The following UVRAG variants were observed in gnomAD, a reference collection of about 807,000 sequenced individuals.
UVRAG encodes UV radiation resistance associated.
In UVRAG, 19 loss-of-function variants were observed where a neutral mutation model predicts 78.0. That is an observed-to-expected ratio of 0.24 (90% confidence interval 0.17 to 0.36). The LOEUF (loss-of-function observed/expected upper bound fraction) is 0.36. Ranked by LOEUF, UVRAG falls within the 10% of genes least tolerant of loss-of-function variation. The probability of loss-of-function intolerance (pLI) is 1.00; values close to 1 mark genes in which losing one functional copy is unlikely to be tolerated. For synonymous variants in UVRAG, 323 were observed against 324.6 expected (o/e 1.00, Z 0.05); for missense variants, 740 against 853.8 (o/e 0.87, Z 1.66).
Position 75,965,821 on chromosome 11 carries a change from A to G in UVRAG, c.699+4272A>G, listed in dbSNP as rs186755226. Among the ~76,000 whole-genome samples, 45 of 152,246 alleles carry G rather than the reference A, an allele frequency of 3.0e-4. No individual in the cohort carries two copies. In the South Asian group the frequency reaches 3.9e-3, roughly 13 times the overall value. ...AACTTATTCATTATGCTAGTTATTTATAGTTTTTTGGGATTTTCTTTGTAA... is the reference window on the plus strand; with the variant it reads ...AACTTATTCATTATGCTAGTTATTTGTAGTTTTTTGGGATTTTCTTTGTAA... On this transcript the variant is annotated intron_variant, in intron 7 of 14. Coordinates refer to ENST00000356136, the MANE Select transcript of UVRAG (RefSeq NM_003369.4).
intron 11 of UVRAG, among the ~76,000 whole-genome samples, chr11:76,014,740 C>G (rs1267567139): frequency 6.6e-6 from 1 of 152,192 alleles, no homozygotes; most frequent in East Asian, 1.9e-4. Flanking sequence ...TCATTTCTCT[C>G]TTCTCCAAGT....
At chr11:76,139,990 T>TAA (rs201740692) in intron 14 of UVRAG, among the ~76,000 whole-genome samples, 1 of 141,924 alleles carries the variant, frequency 7.0e-6, no homozygotes, top group African/African-American at 2.6e-5. Flanking sequence ...GTTTTTCATT[T>TAA]TAAAAAAAAA....
At chr11:75,858,168 A>G (rs1946336371) in intron 2 of UVRAG, among the ~76,000 whole-genome samples, 1 of 151,968 alleles carries the variant, frequency 6.6e-6, no homozygotes. Flanking sequence ...ATATGTGTAT[A>G]TATATATAAA....
At chr11:75,916,970 G>A (rs1947870338) in intron 6 of UVRAG, among the ~76,000 whole-genome samples, 1 of 152,176 alleles carries the variant, frequency 6.6e-6, no homozygotes, top group Admixed American at 6.5e-5. Flanking sequence ...TGATAGTGAT[G>A]TTATCTATAG....
intron 7 of UVRAG, among the ~76,000 whole-genome samples, chr11:75,977,656 G>A (rs552006941): frequency 2.8e-4 from 42 of 152,178 alleles, no homozygotes; most frequent in African/African-American, 9.4e-4. Flanking sequence ...GATCTTTGTT[G>A]GTTTAAAGTC....
intron 13 of UVRAG, among the ~76,000 whole-genome samples, chr11:76,106,800 G>A (rs1951980195): frequency 1.3e-5 from 2 of 152,182 alleles, no homozygotes; most frequent in South Asian, 4.2e-4. Context: ...TCAACATGAG[G>A]GCAAGGAGCA....
intron 12 of UVRAG, among the ~76,000 whole-genome samples, chr11:76,024,419 C>G (rs1191010079): frequency 6.6e-6 from 1 of 152,072 alleles, no homozygotes; most frequent in Non-Finnish European, 1.5e-5. Flanking sequence ...ACAGGAATTG[C>G]ATTTTGGTGA....
intron 1 of UVRAG, among the ~76,000 whole-genome samples, chr11:75,842,502 C>G (rs1179698330): frequency 6.9e-6 from 1 of 145,724 alleles, no homozygotes; most frequent in Non-Finnish European, 1.5e-5. Flanking sequence ...AGTGCAATGG[C>G]GTGATCACGG....
intron 6 of UVRAG, among the ~76,000 whole-genome samples, chr11:75,936,723 T>C (rs952133262): frequency 1.3e-5 from 2 of 152,180 alleles, no homozygotes; most frequent in African/African-American, 4.8e-5. Flanking sequence ...GGAGTTTTGT[T>C]TTGTTTTAGT....
At chr11:76,130,372 C>G (rs1952492814) in intron 14 of UVRAG, among the ~76,000 whole-genome samples, 2 of 152,168 alleles carry the variant, frequency 1.3e-5, no homozygotes, top group South Asian at 4.1e-4. Flanking sequence ...TGAACCATGG[C>G]TTTTTTCCAA....
intron 13 of UVRAG, among the ~76,000 whole-genome samples, chr11:76,085,544 A>G (rs1272832033): frequency 6.6e-6 from 1 of 152,248 alleles, no homozygotes; most frequent in African/African-American, 2.4e-5. Context: ...TTCTGGATGA[A>G]GGAAGCAGGG....
At chr11:76,117,624 A>G (rs1436098418) in intron 14 of UVRAG, among the ~76,000 whole-genome samples, 2 of 152,248 alleles carry the variant, frequency 1.3e-5, no homozygotes, top group African/African-American at 2.4e-5. Flanking sequence ...GCTTGCAAAG[A>G]TGTCACTCAA....
chr11:76,101,671 T>A (rs1685293619), intron 13 of UVRAG, among the ~76,000 whole-genome samples: 1 of 152,202 alleles, frequency 6.6e-6, no homozygotes, highest in South Asian at 2.1e-4. Flanking sequence ...ATGTCCAGAA[T>A]GGTATTGCCT....
At chr11:75,956,388 C>CTTT (rs1319171839) in intron 6 of UVRAG, among the ~76,000 whole-genome samples, 2 of 128,774 alleles carry the variant, frequency 1.6e-5, no homozygotes, top group East Asian at 2.2e-4. Flanking sequence ...CAATTCTTGC[C>CTTT]TTTTTTTTTT....
Position 76,040,574 on chromosome 11 carries a change from G to A in UVRAG, c.1226+23594G>A, listed in dbSNP as rs1004845298. On this transcript the variant is annotated intron_variant, in intron 12 of 14. Transcript: ENST00000356136. ...TTTTGTTTTGTTTTTTGGTTGGGGC[G>A]GGGACGGAGTTTTGCTCTGTTGCCA... Among the ~76,000 whole-genome samples the A allele has an allele frequency of 4.0e-5, 6 of 151,628 alleles. No individual in the cohort carries two copies. The South Asian group carries it at 1.0e-3, about 26-fold the overall frequency.
intron 12 of UVRAG, among the ~76,000 whole-genome samples, chr11:76,057,342 G>C (rs1208592721): frequency 6.6e-6 from 1 of 152,096 alleles, no homozygotes. Flanking sequence ...ACTTTAAATT[G>C]ATTATGATGT....
At chr11:75,849,130 A>G (rs565518214) in intron 1 of UVRAG, among the ~76,000 whole-genome samples, 6 of 152,298 alleles carry the variant, frequency 3.9e-5, no homozygotes, top group African/African-American at 1.4e-4. Flanking sequence ...GTGAGCCGAC[A>G]TGGCGCCATT....
intron 13 of UVRAG, among the ~76,000 whole-genome samples, chr11:76,089,852 C>G (rs1387111610): frequency 6.6e-6 from 1 of 152,130 alleles, no homozygotes; most frequent in African/African-American, 2.4e-5. Flanking sequence ...TTCTGTTCCC[C>G]CATTCTACCT....
chr11:75,968,375 C>A (rs1466698567), intron 7 of UVRAG, among the ~76,000 whole-genome samples: 1 of 152,098 alleles, frequency 6.6e-6, no homozygotes, highest in Non-Finnish European at 1.5e-5. Flanking sequence ...AACACTGAAA[C>A]TCATTAGAAG....
Sources: gnomAD v4.1 joint callset for allele counts (sites outside exome capture counted in the v4.1 genomes callset) on GRCh38, gnomAD v4.1.1 for gene constraint, MANE v1.5 for transcripts, NCBI Gene and HGNC (gene_info 2026-07-23, HGNC 2026-07-21) for gene names.